The following CRYL1 variants were observed in gnomAD, a reference collection of about 807,000 sequenced individuals.
The protein encoded by CRYL1 is lambda-crystallin homolog.
CRYL1 carries 29 observed loss-of-function variants against 36.6 expected under a neutral mutation model. The observed-to-expected ratio is 0.79, with a 90% CI of 0.59 to 1.08. The LOEUF (loss-of-function observed/expected upper bound fraction) is 1.08, where lower values mean the gene tolerates loss of function less well. CRYL1 is among the 50% of genes least tolerant of loss of function. The probability of loss-of-function intolerance (pLI) is 0.00; values close to 1 mark genes in which losing one functional copy is unlikely to be tolerated. For missense variants in CRYL1, 411 were observed against 407.9 expected (o/e 1.01, Z -0.06); for synonymous variants, 152 against 151.5 (o/e 1.00, Z -0.02).
At chr13:20,492,907 G>A (rs1330027085) in intron 2 of CRYL1, among the ~76,000 whole-genome samples, 1 of 152,160 alleles carries the variant, frequency 6.6e-6, no homozygotes, top group Non-Finnish European at 1.5e-5. Flanking sequence ...CAGGTAGTAT[G>A]AATTTGAGGA....
chr13:20,446,218 T>A (rs998438303), intron 3 of CRYL1, among the ~76,000 whole-genome samples: 7 of 152,206 alleles, frequency 4.6e-5, no homozygotes, highest in Non-Finnish European at 8.8e-5. Context: ...TTCAAATGAT[T>A]CTCCTGCCTC....
chr13:20,500,709 G>C (rs1039362664), intron 2 of CRYL1, among the ~76,000 whole-genome samples: 1 of 152,178 alleles, frequency 6.6e-6, no homozygotes, highest in East Asian at 1.9e-4. Flanking sequence ...ATGGTATGGA[G>C]CTGCCCACAA....
chr13:20,501,144 C>T (rs2033696167), intron 2 of CRYL1, among the ~76,000 whole-genome samples: 1 of 152,226 alleles, frequency 6.6e-6, no homozygotes, highest in African/African-American at 2.4e-5. Context: ...CGATTAAAGC[C>T]TTCTTCCTTG....
intron 5 of CRYL1, among the ~76,000 whole-genome samples, chr13:20,414,032 G>A (rs1340387402): frequency 1.3e-5 from 2 of 151,844 alleles, no homozygotes; most frequent in Admixed American, 6.6e-5. Flanking sequence ...AAAATTCGCC[G>A]GGCATGGTGG....
chr13:20,486,329 C>T (rs528559296), intron 3 of CRYL1, among the ~76,000 whole-genome samples: 10 of 152,288 alleles, frequency 6.6e-5, no homozygotes, highest in Admixed American at 3.3e-4. Flanking sequence ...GGTTGGCATT[C>T]GTAGCATGGC....
chr13:20,462,781 A>C lies in CRYL1; in HGVS notation c.277-23027T>G, dbSNP rs181233550. Among the ~76,000 whole-genome samples the C allele has an allele frequency of 7.7e-4, 117 of 151,902 alleles. No homozygotes were observed. The East Asian group carries it at 0.014, about 18-fold the overall frequency. Reference sequence around the variant, plus strand: ...ATGCAGGTTTTCCAATACCTGCAGGAACGGTACCATCCCACTGCCTTAATG... The same window carrying C: ...ATGCAGGTTTTCCAATACCTGCAGGCACGGTACCATCCCACTGCCTTAATG... On this transcript the variant is annotated intron_variant, in intron 3 of 7. Transcript: ENST00000298248.
chr13:20,480,755 T>A (rs903800505), intron 3 of CRYL1, among the ~76,000 whole-genome samples: 1 of 152,210 alleles, frequency 6.6e-6, no homozygotes, highest in Non-Finnish European at 1.5e-5. Context: ...CTGGCCATGT[T>A]TAGTCCTCAC....
intron 3 of CRYL1, among the ~76,000 whole-genome samples, chr13:20,453,157 A>C (rs561913146): frequency 6.6e-6 from 1 of 152,310 alleles, no homozygotes; most frequent in Non-Finnish European, 1.5e-5. Context: ...AGAATGCCTG[A>C]CTTTTCCAAG....
intron 6 of CRYL1, among the ~76,000 whole-genome samples, chr13:20,407,536 G>T (rs1472204210): frequency 1.3e-5 from 2 of 152,158 alleles, no homozygotes; most frequent in Non-Finnish European, 2.9e-5. Flanking sequence ...TTGGAAATAG[G>T]AAAAATACAA....
chr13:20,466,744 A>T (rs1478878482), intron 3 of CRYL1, among the ~76,000 whole-genome samples: 1 of 148,840 alleles, frequency 6.7e-6, no homozygotes, highest in African/African-American at 2.5e-5. Flanking sequence ...TAAAATAGTG[A>T]GTCTATGCTT....
chr13:20,470,459 A>G (rs1287249435), intron 3 of CRYL1, among the ~76,000 whole-genome samples: 1 of 152,246 alleles, frequency 6.6e-6, no homozygotes, highest in Admixed American at 6.5e-5. Flanking sequence ...CAATCTTCTG[A>G]GGACTTTCTA....
intron 3 of CRYL1, among the ~76,000 whole-genome samples, chr13:20,454,635 G>C (rs2032642314): frequency 6.6e-6 from 1 of 152,030 alleles, no homozygotes; most frequent in African/African-American, 2.4e-5. Flanking sequence ...TCGCCAGGAT[G>C]GCCTCCATCT....
chr13:20,497,235 G>A (rs991536293), intron 2 of CRYL1, among the ~76,000 whole-genome samples: 1 of 151,470 alleles, frequency 6.6e-6, no homozygotes, highest in Non-Finnish European at 1.5e-5. Context: ...CCTGAGAGGC[G>A]AGAGCCATGC....
Position 20,415,725 on chromosome 13 carries a change from C to T in CRYL1, c.634-2338G>A, listed in dbSNP as rs931710525. On this transcript the variant is annotated intron_variant, in intron 5 of 7. Coordinates refer to ENST00000298248, the MANE Select transcript of CRYL1 (RefSeq NM_015974.3). The surrounding 1 kb of genome is among the most constrained non-coding windows in gnomAD (Gnocchi z 4.1). ...GACTCCGCCCGCTTCTAGAGGCCCGCACCCTGACTCCTGCAATTGCGGCTT... is the reference window on the plus strand; with the variant it reads ...GACTCCGCCCGCTTCTAGAGGCCCGTACCCTGACTCCTGCAATTGCGGCTT... Among the ~76,000 whole-genome samples the T allele has an allele frequency of 3.9e-5, 6 of 152,264 alleles. No individual in the cohort carries two copies. Among genetic ancestry groups the T allele is most frequent in the African/African-American group, 1.4e-4 (6 of 41,480 alleles).
At chr13:20,462,205 G>A (rs2032844729) in intron 3 of CRYL1, among the ~76,000 whole-genome samples, 1 of 149,778 alleles carries the variant, frequency 6.7e-6, no homozygotes, top group Admixed American at 6.6e-5. Context: ...CTAGTGGGAG[G>A]AGGGGGCAGG....
chr13:20,459,235 CAAAAAAAA>C (rs61255031), intron 3 of CRYL1, among the ~76,000 whole-genome samples: 2 of 78,422 alleles, frequency 2.6e-5, no homozygotes, highest in Non-Finnish European at 4.9e-5. Flanking sequence ...GACTCCATCT[CAAAAAAAA>C]AAAAAAAAAA....
At chr13:20,482,481 G>C (rs1189990713) in intron 3 of CRYL1, among the ~76,000 whole-genome samples, 5 of 152,164 alleles carry the variant, frequency 3.3e-5, no homozygotes, top group African/African-American at 7.2e-5. Flanking sequence ...TATTTTTCCA[G>C]AACAGTAGGT....
At chr13:20,423,824 G>A (rs961767904) in intron 5 of CRYL1, among the ~76,000 whole-genome samples, 2 of 146,364 alleles carry the variant, frequency 1.4e-5, no homozygotes, top group Non-Finnish European at 3.0e-5. Context: ...AGGCTGGAGT[G>A]CAGTGGTGTG....
intron 2 of CRYL1, among the ~76,000 whole-genome samples, chr13:20,492,156 T>C (rs1336762261): frequency 6.6e-6 from 1 of 152,192 alleles, no homozygotes; most frequent in African/African-American, 2.4e-5. Context: ...CTTAAGTGGC[T>C]TTATTCAGGA....
Sources: allele counts gnomAD v4.1 joint callset (sites outside exome capture counted in the v4.1 genomes callset), GRCh38; gene constraint gnomAD v4.1.1; non-coding constraint Gnocchi (gnomAD v3.1); transcripts MANE v1.5; gene names NCBI Gene and HGNC (gene_info 2026-07-23, HGNC 2026-07-21).